IL4: variants seen among roughly 807,000 people sequenced by gnomAD.
IL4 encodes interleukin-4.
IL4 carries 10 observed loss-of-function variants against 17.4 expected under a neutral mutation model. The observed-to-expected ratio is 0.57, with a 90% CI of 0.35 to 0.97. The LOEUF is 0.97. Ranked by LOEUF, IL4 falls within the 50% of genes least tolerant of loss-of-function variation. The pLI, the probability that IL4 is intolerant of heterozygous loss-of-function variation, is 0.01. For missense variants in IL4, 174 were observed against 187.7 expected (o/e 0.93, Z 0.43); for synonymous variants, 87 against 79.0 (o/e 1.10, Z -0.54).
In IL4 at chr5:132,679,903, G is replaced by A. The variant is rs747373751; in HGVS notation, c.360+13G>A. Reference sequence around the variant, plus strand: ...CCTGGCGGGCTTGGTAAGCTGCACTGTATTCCTGGCAAGCCGGCCGCGTGG... The same window carrying A: ...CCTGGCGGGCTTGGTAAGCTGCACTATATTCCTGGCAAGCCGGCCGCGTGG... On this transcript the variant is annotated intron_variant, in intron 3 of 3. Coordinates refer to ENST00000231449, the MANE Select transcript of IL4 (RefSeq NM_000589.4). 1 of 1,599,582 alleles carries A rather than the reference G, an allele frequency of 6.3e-7. No individual in the cohort carries two copies. The highest frequency in any genetic ancestry group is 2.2e-5 in the East Asian group (1 of 44,642).
chr5:132,682,237 C>T (rs2243309), intron 3 of IL4, among the ~76,000 whole-genome samples: 3 of 152,104 alleles, frequency 2.0e-5, no homozygotes, highest in South Asian at 4.1e-4. Context: ...CACTCCCCCC[C>T]GCGCCACCCA....
At chr5:132,682,436 G>A (rs2149882416) in intron 3 of IL4, 50 bp from the exon 4 acceptor site, 2 of 1,114,730 alleles carry the variant, frequency 1.8e-6, no homozygotes, top group South Asian at 2.6e-5. Flanking sequence ...TAGACAGGCA[G>A]GCAAGACAAA....
intron 2 of IL4, among the ~76,000 whole-genome samples, chr5:132,674,752 G>C (rs1379652010): frequency 6.6e-6 from 1 of 152,242 alleles, no homozygotes; most frequent in African/African-American, 2.4e-5. Context: ...CCTGGTCAAA[G>C]AAAAGCCCTC....
rs777944148 is a variant in IL4 at position 132,680,868 on chromosome 5, T to TG, written c.360+978_360+979insG. Reference sequence around the variant, plus strand: ...GAAGGATTTGCTGACAGATCGGTTGTAGGGGGTAAGATACAGGGGAGGAAA... The same window carrying TG: ...GAAGGATTTGCTGACAGATCGGTTGTGAGGGGGTAAGATACAGGGGAGGAAA... On this transcript the variant is annotated intron_variant, in intron 3 of 3. Coordinates refer to ENST00000231449, the MANE Select transcript of IL4 (RefSeq NM_000589.4). The surrounding 1 kb of genome is among the most constrained non-coding windows in gnomAD (Gnocchi z 4.3). 5.9e-5 allele frequency among the ~76,000 whole-genome samples: 9 copies of TG among 152,180 alleles called. No homozygotes were observed. Among genetic ancestry groups the TG allele is most frequent in the Admixed American group, 1.3e-4 (2 of 15,278 alleles).
chr5:132,677,028 G>A (rs1470966293), intron 2 of IL4, among the ~76,000 whole-genome samples: 1 of 152,170 alleles, frequency 6.6e-6, no homozygotes, highest in Non-Finnish European at 1.5e-5. Flanking sequence ...ACAAGTAGTT[G>A]GAGCTATTTC....
At chr5:132,682,235 C>T (rs578164778) in intron 3 of IL4, among the ~76,000 whole-genome samples, 11 of 152,262 alleles carry the variant, frequency 7.2e-5, no homozygotes, top group Middle Eastern at 3.4e-3. Flanking sequence ...TGCACTCCCC[C>T]CCGCGCCACC....
chr5:132,674,271 A>G (rs1752337763), intron 1 of IL4, 86 bp downstream of exon 1: 6 of 1,520,504 alleles, frequency 3.9e-6, no homozygotes, highest in East Asian at 2.3e-5. Flanking sequence ...CAGCTGCTAG[A>G]GAAGTTGGAA....
At chr5:132,677,651 T>C (rs1752405850) in intron 2 of IL4, 3 of 152,208 alleles carry the variant, frequency 2.0e-5, no homozygotes, top group Non-Finnish European at 4.4e-5. Context: ...TGTGGCCATA[T>C]ACGGGTCAAA....
At position 132,679,725 on chromosome 5, in the gene IL4, G is replaced by A. The variant is rs1752448039; in HGVS notation, c.195G>A (p.Glu65=). ...DIFAASKNTT[E]KETFCRAATV... ...ATTTGTCTTTCCAGAACACAACTGA[G>A]AAGGAAACCTTCTGCAGGGCTGCGA... The change falls in exon 3 of 4, where the codon GAG becomes GAA. Residue 65 remains glutamate, a synonymous_variant. Transcript: ENST00000231449. 6.2e-7 allele frequency: 1 copy of A among 1,613,192 alleles called. No individual in the cohort carries two copies. Among genetic ancestry groups the A allele is most frequent in the South Asian group, 1.1e-5 (1 of 90,860 alleles).
rs1452098781 is a variant in IL4, at chr5:132,680,440, A to T, written c.360+550A>T. ...TAGTTTCCAGGACAGCAGATCACACAAGGCCTTTAGATTCCACCACGAGTA... is the reference window on the plus strand; with the variant it reads ...TAGTTTCCAGGACAGCAGATCACACTAGGCCTTTAGATTCCACCACGAGTA... On this transcript the variant is annotated intron_variant, in intron 3 of 3. Transcript: ENST00000231449. This position sits in a 1 kb window ranked among gnomAD's most constrained non-coding sequence, Gnocchi z 4.3. Among the ~76,000 whole-genome samples, 1 of 152,220 alleles carries T rather than the reference A, an allele frequency of 6.6e-6. No individual in the cohort carries two copies. The highest frequency in any genetic ancestry group is 1.5e-5 in the Non-Finnish European group (1 of 68,034).
At chr5:132,675,847 TTATGTGTG>T (rs2149879337) in intron 2 of IL4, among the ~76,000 whole-genome samples, 1 of 68,002 alleles carries the variant, frequency 1.5e-5, no homozygotes, top group South Asian at 4.8e-4. Flanking sequence ...GGGCAACAGT[TTATGTGTG>T]TGTGTGTGTG....
At chr5:132,679,990 A>G (rs1752455994) in intron 3 of IL4, 100 bp downstream of exon 3, 1 of 974,458 alleles carries the variant, frequency 1.0e-6, no homozygotes, top group African/African-American at 1.7e-5. Context: ...CCCTTGGTCA[A>G]CCCATTCATT....
At chr5:132,674,318 C>A in intron 1 of IL4, 133 bp downstream of exon 1, 1 of 1,330,858 alleles carries the variant, frequency 7.5e-7, no homozygotes, top group Non-Finnish European at 1.1e-6. Flanking sequence ...CACAGCGAGG[C>A]TTCTCCCCTG....
At chr5:132,679,646 G>C in intron 2 of IL4, 68 bp from the exon 3 acceptor site, 3 of 1,382,888 alleles carry the variant, frequency 2.2e-6, no homozygotes, top group Admixed American at 4.1e-5. Flanking sequence ...GAAATCAAGA[G>C]GAAAAATCTC....
At chr5:132,677,881 G>A (rs1041023789) in intron 2 of IL4, 2 of 152,008 alleles carry the variant, frequency 1.3e-5, no homozygotes, top group Admixed American at 6.6e-5. Flanking sequence ...AGCCCAGAGA[G>A]GTCTGTTTCT....
intron 2 of IL4, among the ~76,000 whole-genome samples, chr5:132,676,142 ACTGC>A (rs1391435253): frequency 6.6e-6 from 1 of 151,938 alleles, no homozygotes; most frequent in Non-Finnish European, 1.5e-5. Context: ...TGGAGGTAAG[ACTGC>A]CTGTGGTTTT....
chr5:132,674,334 CTT>C, intron 1 of IL4, 123 bp from the exon 2 acceptor site: 1 of 1,352,458 alleles, frequency 7.4e-7, no homozygotes, highest in Non-Finnish European at 1.0e-6. Context: ...CCCTGCCACT[CTT>C]TTTTCTGAGG....
chr5:132,676,708 G>C (rs1752389495), intron 2 of IL4, among the ~76,000 whole-genome samples: 1 of 152,234 alleles, frequency 6.6e-6, no homozygotes, highest in Non-Finnish European at 1.5e-5. Context: ...TTTCAGAACA[G>C]TGAAATGTTG....
intron 1 of IL4, 80 bp from the exon 2 acceptor site, chr5:132,674,376 AGTG>A: frequency 7.0e-7 from 1 of 1,426,482 alleles, no homozygotes; most frequent in Non-Finnish European, 9.9e-7. Flanking sequence ...AGTTGGAGGG[AGTG>A]AGAGCTGCTC....
Sources: allele counts gnomAD v4.1 joint callset (sites outside exome capture counted in the v4.1 genomes callset), GRCh38; gene constraint gnomAD v4.1.1; non-coding constraint Gnocchi (gnomAD v3.1); transcripts MANE v1.5; gene names NCBI Gene and HGNC (gene_info 2026-07-23, HGNC 2026-07-21).